The following DNAH12 variants were observed in gnomAD, a reference collection of about 807,000 sequenced individuals.
DNAH12 encodes dynein axonemal heavy chain 12, also known as axonemal beta dynein heavy chain 12.
Under a neutral mutation model 371.5 loss-of-function variants are expected in DNAH12, and 285 were observed. The observed-to-expected ratio is 0.77, with a 90% CI of 0.70 to 0.85. The LOEUF (loss-of-function observed/expected upper bound fraction) is 0.85. Ranked by LOEUF, DNAH12 falls within the 40% of genes least tolerant of loss-of-function variation. DNAH12 has a pLI of 0.00. For synonymous variants in DNAH12, 1,200 were observed against 1,213.0 expected, an observed-to-expected ratio of 0.99 and a Z score of 0.22; for missense variants, 3,611 against 3,689.4, an observed-to-expected ratio of 0.98 and a Z score of 0.55.
chr3:57,445,056 T>A, intron 28 of DNAH12, 118 bp downstream of exon 28: 3 of 1,259,028 alleles, frequency 2.4e-6, no homozygotes, highest in Non-Finnish European at 3.2e-6. Context: ...CATTTCAACC[T>A]CTTATGAAAA....
intron 62 of DNAH12, among the ~76,000 whole-genome samples, chr3:57,327,499 C>T (rs2061978519): frequency 1.3e-5 from 2 of 152,214 alleles, no homozygotes; most frequent in African/African-American, 4.8e-5. Context: ...TAAAGATGTT[C>T]TTTGAAACCA....
intron 2 of DNAH12, among the ~76,000 whole-genome samples, chr3:57,524,543 T>A (rs908106477): frequency 5.9e-5 from 9 of 151,976 alleles, no homozygotes; most frequent in Admixed American, 2.6e-4. Context: ...CAATACTAGA[T>A]CCTATTAAAA....
In DNAH12 at chr3:57,542,691, T is replaced by C. The variant is rs763620206; in HGVS notation, c.170+10A>G. The C allele has an allele frequency of 6.4e-7, 1 of 1,560,852 alleles. No homozygotes were observed. The highest frequency in any genetic ancestry group is 1.9e-5 in the Admixed American group (1 of 51,562). The stretch of plus-strand genomic sequence containing the variant: ...TCCAAGCAAGAATTATCTACTAATA[T>C]GCTACTTACACTAACTGATTAATTT... On this transcript the variant is annotated intron_variant, in intron 2 of 73. Coordinates refer to ENST00000495027, the MANE Select transcript of DNAH12 (RefSeq NM_001366028.2).
At chr3:57,327,676 A>G (rs1373099177) in intron 62 of DNAH12, among the ~76,000 whole-genome samples, 1 of 151,952 alleles carries the variant, frequency 6.6e-6, no homozygotes, top group East Asian at 1.9e-4. Context: ...AAACACATTC[A>G]AAAGCTAGCA....
upstream of DNAH12, among the ~76,000 whole-genome samples, chr3:57,546,842 TA>T (rs951168903): frequency 1.3e-5 from 2 of 152,092 alleles, no homozygotes; most frequent in African/African-American, 4.8e-5. Flanking sequence ...ACTCAATCAG[TA>T]GAAATCCTTT....
At position 57,463,474 on chromosome 3, in the gene DNAH12, A is replaced by C. The variant is rs368123248; in HGVS notation, c.2350-599T>G. The stretch of plus-strand genomic sequence containing the variant: ...TGGCCTCCCAAAGTGCTGGGATTAC[A>C]GGTATAAGCCACCATGCCTGGCCCC... On this transcript the variant is annotated intron_variant, in intron 17 of 73. Transcript: ENST00000495027. 4.6e-5 allele frequency among the ~76,000 whole-genome samples: 7 copies of C among 152,180 alleles called. No homozygotes were observed. In the South Asian group the frequency reaches 1.5e-3, roughly 32 times the overall value.
chr3:57,509,920 T>G (rs2067924364), intron 5 of DNAH12, among the ~76,000 whole-genome samples: 1 of 146,144 alleles, frequency 6.8e-6, no homozygotes, highest in South Asian at 2.2e-4. Flanking sequence ...AGTGACTAGT[T>G]AGTAACAATT....
intron 17 of DNAH12, among the ~76,000 whole-genome samples, chr3:57,464,779 T>A (rs2066150430): frequency 6.6e-6 from 1 of 152,228 alleles, no homozygotes; most frequent in South Asian, 2.1e-4. Context: ...TATTTAGAAT[T>A]AAAAAGGAGT....
At chr3:57,390,336 C>T (rs1293569758) in intron 45 of DNAH12, among the ~76,000 whole-genome samples, 1 of 126,578 alleles carries the variant, frequency 7.9e-6, no homozygotes, top group Non-Finnish European at 1.7e-5. Flanking sequence ...TTGCTTGAGC[C>T]CAGGAGGCAG....
chr3:57,506,384 C>T (rs571140377), intron 8 of DNAH12, among the ~76,000 whole-genome samples: 29 of 152,256 alleles, frequency 1.9e-4, no homozygotes, highest in Middle Eastern at 3.4e-3. Context: ...ACAAACACTA[C>T]AAATCAGGGT....
At chr3:57,510,064 T>G (rs576764735) in intron 5 of DNAH12, among the ~76,000 whole-genome samples, 195 of 152,048 alleles carry the variant, frequency 1.3e-3, no homozygotes, top group African/African-American at 4.6e-3. Flanking sequence ...AAACGTATTG[T>G]ACATGATAAT....
intron 35 of DNAH12, among the ~76,000 whole-genome samples, chr3:57,423,593 G>A (rs1372494050): frequency 6.6e-6 from 1 of 152,166 alleles, no homozygotes; most frequent in East Asian, 1.9e-4. Flanking sequence ...GCTGTGAGGG[G>A]AGAGGGAGGA....
At chr3:57,430,912 T>C (rs2064936343) in intron 32 of DNAH12, among the ~76,000 whole-genome samples, 1 of 152,224 alleles carries the variant, frequency 6.6e-6, no homozygotes, top group Non-Finnish European at 1.5e-5. Flanking sequence ...TGGCTATTTA[T>C]ATTTAATTTT....
intron 65 of DNAH12, among the ~76,000 whole-genome samples, chr3:57,319,974 G>A (rs1486314983): frequency 1.3e-5 from 2 of 152,160 alleles, no homozygotes; most frequent in South Asian, 4.2e-4. Flanking sequence ...TCTTTCTTCT[G>A]TTAATGTGTA....
chr3:57,357,761 GGA>G (rs2062833503), intron 58 of DNAH12, among the ~76,000 whole-genome samples: 1 of 152,144 alleles, frequency 6.6e-6, no homozygotes, highest in Non-Finnish European at 1.5e-5. Context: ...AGATAAAGAG[GGA>G]GAGAGGGATG....
chr3:57,322,733 C>T (rs2061836744), intron 64 of DNAH12, among the ~76,000 whole-genome samples: 1 of 152,114 alleles, frequency 6.6e-6, no homozygotes, highest in Non-Finnish European at 1.5e-5. Context: ...AGTTCGAGAC[C>T]AGGCTGGCTG....
In DNAH12 at chr3:57,296,396, C is replaced by A; in HGVS notation, c.11572G>T (p.Gly3858Cys). Reference protein sequence around the residue: ...SDTSDTSPEDGVYIHGLYLDG... With the variant: ...SDTSDTSPEDCVYIHGLYLDG... Reference sequence around the variant, plus strand: ...AGATACAGTCCGTGGATATAAACACCATCTTCTGGTGATGTGTCAGATGTA... The same window carrying A: ...AGATACAGTCCGTGGATATAAACACAATCTTCTGGTGATGTGTCAGATGTA... The change falls in exon 72 of 74, where the codon GGT becomes TGT. Residue 3858 changes from glycine to cysteine, a missense_variant. Around this residue, in one of 3 missense-constraint regions of DNAH12, gnomAD observed 2,266 missense variants for 2,236.9 expected, o/e 1.01. Transcript: ENST00000495027. 6.4e-7 allele frequency: 1 copy of A among 1,550,772 alleles called. No individual in the cohort carries two copies. The highest frequency in any genetic ancestry group is 1.2e-5 in the South Asian group (1 of 83,916).
chr3:57,480,885 A>T (rs1446568214), intron 13 of DNAH12, among the ~76,000 whole-genome samples: 6 of 152,078 alleles, frequency 3.9e-5, no homozygotes, highest in African/African-American at 1.4e-4. Flanking sequence ...CATGCTAAAA[A>T]CTCTCAATAA....
intron 37 of DNAH12, among the ~76,000 whole-genome samples, chr3:57,418,431 T>A (rs543648936): frequency 6.8e-6 from 1 of 146,486 alleles, no homozygotes. Context: ...TCCCAGCTAC[T>A]TGAGAGGCTG....
Sources: gnomAD v4.1 joint callset for allele counts (sites outside exome capture counted in the v4.1 genomes callset) on GRCh38, gnomAD v4.1.1 for gene constraint, gnomAD v4.1.1 regional missense constraint, MANE v1.5 for transcripts, NCBI Gene and HGNC (gene_info 2026-07-23, HGNC 2026-07-21) for gene names.